The following SUMF1 variants were observed in gnomAD, a reference collection of about 807,000 sequenced individuals.
SUMF1 encodes sulfatase modifying factor 1.
In SUMF1, 48 loss-of-function variants were observed where a neutral mutation model predicts 47.6. That is an observed-to-expected ratio of 1.01 (90% CI 0.80 to 1.28). The LOEUF (loss-of-function observed/expected upper bound fraction) is 1.28. SUMF1 is among the 50% of genes most tolerant of loss of function. The pLI is 0.00. For synonymous variants in SUMF1, 230 were observed against 192.1 expected (o/e 1.20, Z -1.63); for missense variants, 571 against 485.4 (o/e 1.18, Z -1.66).
chr3:4,366,027 G>C (rs1699942142), intron 8 of SUMF1, among the ~76,000 whole-genome samples: 1 of 151,746 alleles, frequency 6.6e-6, no homozygotes, highest in South Asian at 2.1e-4. Flanking sequence ...TTTTCTTTAA[G>C]AATGTTGAAT....
At chr3:4,229,691 G>C (rs1191069897) in intron 8 of SUMF1, among the ~76,000 whole-genome samples, 1 of 151,958 alleles carries the variant, frequency 6.6e-6, no homozygotes, top group African/African-American at 2.4e-5. Flanking sequence ...TTTCCAAATA[G>C]ATACATTAAA....
chr3:4,052,650 C>T (rs868037450), intron 9 of SUMF1, among the ~76,000 whole-genome samples: 15 of 152,280 alleles, frequency 9.9e-5, no homozygotes, highest in Middle Eastern at 3.4e-3. Context: ...ATTTTCTTTG[C>T]ATTTTTTGTC....
intron 8 of SUMF1, among the ~76,000 whole-genome samples, chr3:4,319,637 A>T (rs991499680): frequency 2.6e-5 from 4 of 152,228 alleles, no homozygotes; most frequent in Non-Finnish European, 5.9e-5. Context: ...TGTCATTTCT[A>T]TGGGACAGTT....
intron 8 of SUMF1, among the ~76,000 whole-genome samples, chr3:4,351,798 T>A (rs1164991995): frequency 6.6e-6 from 1 of 152,198 alleles, no homozygotes; most frequent in Non-Finnish European, 1.5e-5. Flanking sequence ...TGACTAAGCA[T>A]CAACCCTTCA....
intron 8 of SUMF1, among the ~76,000 whole-genome samples, chr3:4,353,468 G>A (rs889285151): frequency 4.6e-5 from 7 of 152,092 alleles, no homozygotes; most frequent in African/African-American, 1.4e-4. Context: ...TAGCCAGGAT[G>A]GTCTCGATCT....
intron 8 of SUMF1, among the ~76,000 whole-genome samples, chr3:4,177,316 G>T (rs1387555505): frequency 6.6e-6 from 1 of 152,170 alleles, no homozygotes; most frequent in Non-Finnish European, 1.5e-5. Context: ...AAATGTAAAA[G>T]AAAAGAAATC....
intron 8 of SUMF1, among the ~76,000 whole-genome samples, chr3:4,080,777 A>C (rs1270268961): frequency 6.6e-6 from 1 of 152,154 alleles, no homozygotes; most frequent in Non-Finnish European, 1.5e-5. Context: ...CAGGGATTAG[A>C]GCACTGGTTT....
chr3:4,281,150 G>T (rs1374448385), intron 8 of SUMF1, among the ~76,000 whole-genome samples: 1 of 152,130 alleles, frequency 6.6e-6, no homozygotes, highest in Non-Finnish European at 1.5e-5. Context: ...GCACAGATAA[G>T]AAGAGCATGG....
At chr3:4,450,131 C>T (rs1702919594) in intron 2 of SUMF1, among the ~76,000 whole-genome samples, 1 of 152,186 alleles carries the variant, frequency 6.6e-6, no homozygotes, top group South Asian at 2.1e-4. Flanking sequence ...CATATTGCTG[C>T]TCCCCAACAC....
At chr3:4,256,851 A>G (rs370565677) in intron 8 of SUMF1, among the ~76,000 whole-genome samples, 53 of 141,656 alleles carry the variant, frequency 3.7e-4, no homozygotes, top group Middle Eastern at 3.6e-3. Flanking sequence ...CATTGATGCA[A>G]AAATCCTCAA....
intron 7 of SUMF1, 52 bp downstream of exon 7, chr3:4,410,813 C>A: frequency 6.6e-7 from 1 of 1,524,438 alleles, no homozygotes; most frequent in South Asian, 1.1e-5. Context: ...GCAGACTGCC[C>A]AGAGGACAGA....
intron 8 of SUMF1, among the ~76,000 whole-genome samples, chr3:4,131,031 T>C (rs775536876): frequency 2.0e-5 from 3 of 152,166 alleles, no homozygotes; most frequent in East Asian, 1.9e-4. Context: ...GGCCCTGCCA[T>C]CTTCTGCAGA....
At chr3:4,166,715 G>A (rs576352773) in intron 8 of SUMF1, among the ~76,000 whole-genome samples, 1 of 152,136 alleles carries the variant, frequency 6.6e-6, no homozygotes, top group Non-Finnish European at 1.5e-5. Context: ...TCACTTGGGT[G>A]ATGTAACTTT....
At chr3:4,333,910 T>A (rs929847648) in intron 8 of SUMF1, among the ~76,000 whole-genome samples, 10 of 152,006 alleles carry the variant, frequency 6.6e-5, no homozygotes, top group Non-Finnish European at 1.5e-4. Context: ...GGGGGACTGC[T>A]TGAGACCAGA....
At chr3:4,376,824 C>T (rs1700344507) in intron 7 of SUMF1, among the ~76,000 whole-genome samples, 1 of 152,150 alleles carries the variant, frequency 6.6e-6, no homozygotes, top group African/African-American at 2.4e-5. Flanking sequence ...GAGACAGGGT[C>T]TCCTTCTGTC....
intron 8 of SUMF1, among the ~76,000 whole-genome samples, chr3:4,363,916 G>C (rs1699858882): frequency 1.4e-5 from 2 of 145,208 alleles, no homozygotes; most frequent in South Asian, 2.4e-4. Context: ...CTAATTTATT[G>C]AGAGTTTTTA....
chr3:4,456,461 T>C (rs574059390), intron 1 of SUMF1, among the ~76,000 whole-genome samples: 19 of 149,310 alleles, frequency 1.3e-4, no homozygotes, highest in Non-Finnish European at 2.5e-4. Flanking sequence ...TTTGTTTTTT[T>C]TTTTTTTTGA....
At chr3:4,439,244 C>A (rs1253659811) in intron 3 of SUMF1, among the ~76,000 whole-genome samples, 1 of 152,060 alleles carries the variant, frequency 6.6e-6, no homozygotes, top group Non-Finnish European at 1.5e-5. Context: ...TAAGTGAGGC[C>A]GGGTGTGGTG....
intron 8 of SUMF1, among the ~76,000 whole-genome samples, chr3:4,105,966 G>T (rs1216486800): frequency 6.6e-6 from 1 of 151,814 alleles, no homozygotes; most frequent in Non-Finnish European, 1.5e-5. Flanking sequence ...ATTATGTTTT[G>T]AAGATCTATC....
Sources: gnomAD v4.1 joint callset for allele counts (sites outside exome capture counted in the v4.1 genomes callset) on GRCh38, gnomAD v4.1.1 for gene constraint, MANE v1.5 for transcripts, NCBI Gene and HGNC (gene_info 2026-07-23, HGNC 2026-07-21) for gene names.